NBEA: variants seen among roughly 807,000 people sequenced by gnomAD.
The protein encoded by NBEA is lysosomal-trafficking regulator 2.
NBEA carries 44 observed loss-of-function variants against 343.4 expected under a neutral mutation model. That is an observed-to-expected ratio of 0.13 (90% CI 0.10 to 0.16). The LOEUF (loss-of-function observed/expected upper bound fraction) is 0.16, where lower values mean the gene tolerates loss of function less well. Among genes scored for constraint, NBEA ranks in the 10% least tolerant of loss-of-function variants. The probability of loss-of-function intolerance (pLI) is 1.00; values close to 1 mark genes in which losing one functional copy is unlikely to be tolerated. For missense variants in NBEA, 2,555 were observed against 3,631.3 expected (o/e 0.70, Z 7.62); for synonymous variants, 1,175 against 1,238.7 (o/e 0.95, Z 1.08).
chr13:35,094,692 A>T (rs2065246522), intron 10 of NBEA, among the ~76,000 whole-genome samples: 1 of 152,000 alleles, frequency 6.6e-6, no homozygotes, highest in Admixed American at 6.6e-5. Flanking sequence ...ATTTAGGAAT[A>T]GTTTTGTAGT....
intron 38 of NBEA, among the ~76,000 whole-genome samples, chr13:35,409,948 C>A (rs2043489620): frequency 6.6e-6 from 1 of 151,982 alleles, no homozygotes; most frequent in African/African-American, 2.4e-5. Context: ...TACCATCTAA[C>A]CTATACTTTA....
At chr13:35,026,441 T>A (rs560913464) in intron 1 of NBEA, among the ~76,000 whole-genome samples, 1 of 150,892 alleles carries the variant, frequency 6.6e-6, no homozygotes, top group Admixed American at 6.6e-5. Flanking sequence ...GTTTTATATC[T>A]CAGTTTTTTC....
At chr13:35,354,028 G>A (rs761859910) in intron 38 of NBEA, among the ~76,000 whole-genome samples, 14 of 152,068 alleles carry the variant, frequency 9.2e-5, no homozygotes, top group African/African-American at 1.4e-4. Context: ...TAAGGCCTTC[G>A]GTTGATTGGA....
intron 31 of NBEA, among the ~76,000 whole-genome samples, chr13:35,200,212 G>A (rs927210548): frequency 8.6e-5 from 13 of 151,808 alleles, no homozygotes; most frequent in Middle Eastern, 6.8e-3. Flanking sequence ...TATATTTATC[G>A]ATGGTTTATA....
Position 35,219,424 on chromosome 13 carries a change from C to T in NBEA, c.5648+8245C>T, listed in dbSNP as rs536329074. On this transcript the variant is annotated intron_variant, in intron 33 of 58. Transcript: ENST00000379939. ...TGTTAACATACAGATTGCTGGATACCTAATTCAGTAGGACTCCAGTAGGGC... is the reference window on the plus strand; with the variant it reads ...TGTTAACATACAGATTGCTGGATACTTAATTCAGTAGGACTCCAGTAGGGC... Among the ~76,000 whole-genome samples the T allele has an allele frequency of 1.5e-4, 23 of 152,180 alleles. 1 individual carries two copies. The highest frequency in any genetic ancestry group is 5.3e-4 in the African/African-American group (22 of 41,534).
At chr13:35,561,795 T>G (rs1419956507) in intron 44 of NBEA, among the ~76,000 whole-genome samples, 1 of 152,164 alleles carries the variant, frequency 6.6e-6, no homozygotes, top group Non-Finnish European at 1.5e-5. Context: ...TATGTAAGTT[T>G]TGTAAAGATA....
intron 38 of NBEA, among the ~76,000 whole-genome samples, chr13:35,355,822 T>TG (rs2040460688): frequency 6.6e-6 from 1 of 151,478 alleles, no homozygotes; most frequent in East Asian, 1.9e-4. Context: ...TGATACCATC[T>TG]CAAAAAAAAA....
intron 1 of NBEA, among the ~76,000 whole-genome samples, chr13:35,027,315 T>C (rs995104232): frequency 6.6e-6 from 1 of 152,110 alleles, no homozygotes; most frequent in Non-Finnish European, 1.5e-5. Context: ...TTTTGTAATA[T>C]ACTGCCAAAC....
At chr13:35,282,193 T>C (rs1299749732) in intron 34 of NBEA, among the ~76,000 whole-genome samples, 1 of 152,094 alleles carries the variant, frequency 6.6e-6, no homozygotes, top group Non-Finnish European at 1.5e-5. Flanking sequence ...ATTACAGGCA[T>C]GAGCCACTGC....
At chr13:35,084,588 TAGAGGGA>T (rs1204364740) in intron 10 of NBEA, among the ~76,000 whole-genome samples, 1 of 152,124 alleles carries the variant, frequency 6.6e-6, no homozygotes, top group African/African-American at 2.4e-5. Context: ...AAGCAGTGTG[TAGAGGGA>T]AATTTATAGC....
intron 41 of NBEA, among the ~76,000 whole-genome samples, chr13:35,540,762 G>T (rs367747146): frequency 9.9e-5 from 15 of 152,250 alleles, no homozygotes; most frequent in African/African-American, 3.4e-4. Context: ...TCCTCATTAA[G>T]TCCATTTTTT....
At chr13:34,992,170 ATG>A (rs996774103) in intron 1 of NBEA, among the ~76,000 whole-genome samples, 3 of 147,418 alleles carry the variant, frequency 2.0e-5, no homozygotes, top group South Asian at 4.3e-4. Flanking sequence ...TGTTTGAAAA[ATG>A]TGTGTGTATA....
intron 34 of NBEA, among the ~76,000 whole-genome samples, chr13:35,262,104 T>G (rs2033264388): frequency 6.6e-6 from 1 of 152,134 alleles, no homozygotes; most frequent in South Asian, 2.1e-4. Context: ...AAATGCAAAT[T>G]AAAACCAAAA....
At chr13:35,251,261 C>T in intron 34 of NBEA, 3 of 385,674 alleles carry the variant, frequency 7.8e-6, no homozygotes, top group South Asian at 5.3e-5. Context: ...ATGCAGTATG[C>T]CAGTCGTCGC....
chr13:35,101,511 G>T (rs1259827504), intron 11 of NBEA, among the ~76,000 whole-genome samples: 10 of 151,648 alleles, frequency 6.6e-5, no homozygotes, highest in Non-Finnish European at 1.0e-4. Flanking sequence ...ATTCTTTGAA[G>T]AAATATCTTT....
At chr13:35,657,407 G>A (rs1372300176) in intron 55 of NBEA, among the ~76,000 whole-genome samples, 1 of 152,152 alleles carries the variant, frequency 6.6e-6, no homozygotes, top group Non-Finnish European at 1.5e-5. Context: ...CAAATAATTA[G>A]TTACCAATTC....
chr13:34,955,816 T>G (rs1593275919), intron 1 of NBEA, among the ~76,000 whole-genome samples: 1 of 152,290 alleles, frequency 6.6e-6, no homozygotes, highest in East Asian at 1.9e-4. Context: ...CTTCAACTGA[T>G]TGGTTGAATG....
chr13:35,254,233 G>T (rs890635652), intron 34 of NBEA, among the ~76,000 whole-genome samples: 1 of 151,410 alleles, frequency 6.6e-6, no homozygotes, highest in Non-Finnish European at 1.5e-5. Flanking sequence ...ATCTTCAGGG[G>T]TAATATTCTT....
intron 48 of NBEA, among the ~76,000 whole-genome samples, chr13:35,610,774 A>T (rs1241280302): frequency 6.6e-6 from 1 of 152,168 alleles, no homozygotes; most frequent in Non-Finnish European, 1.5e-5. Flanking sequence ...ACAGGCTGAG[A>T]AAAAATATTT....
Sources: allele counts gnomAD v4.1 joint callset (sites outside exome capture counted in the v4.1 genomes callset), GRCh38; gene constraint gnomAD v4.1.1; transcripts MANE v1.5; gene names NCBI Gene and HGNC (gene_info 2026-07-23, HGNC 2026-07-21).